The following VEPH1 variants were observed in gnomAD, a reference collection of about 807,000 sequenced individuals.
VEPH1 encodes the protein ventricular zone-expressed PH domain-containing protein homolog 1.
In VEPH1, 80 loss-of-function variants were observed where a neutral mutation model predicts 85.2. The ratio of observed to expected loss-of-function variants is 0.94; its 90% confidence interval spans 0.78 to 1.13. VEPH1 has a LOEUF of 1.13. Ranked by LOEUF, VEPH1 falls within the 50% of genes most tolerant of loss-of-function variation. VEPH1 has a pLI of 0.00. For synonymous variants in VEPH1, 297 were observed against 348.0 expected (o/e 0.85, Z 1.63); for missense variants, 955 against 980.5 (o/e 0.97, Z 0.35).
At chr3:157,281,540 C>CT (rs370462040) in intron 12 of VEPH1, among the ~76,000 whole-genome samples, 407 of 145,700 alleles carry the variant, frequency 2.8e-3, no homozygotes, top group African/African-American at 7.8e-3. Flanking sequence ...ATCGAGTTTT[C>CT]TTTTTTTTTT....
At chr3:157,294,127 C>A (rs933212780) in intron 11 of VEPH1, among the ~76,000 whole-genome samples, 3 of 152,138 alleles carry the variant, frequency 2.0e-5, no homozygotes, top group African/African-American at 7.2e-5. Flanking sequence ...TGTTAAAGAG[C>A]TAATTTGGAG....
intron 5 of VEPH1, among the ~76,000 whole-genome samples, chr3:157,424,303 G>A (rs552009375): frequency 1.7e-3 from 252 of 152,218 alleles, no homozygotes; most frequent in African/African-American, 5.6e-3. Flanking sequence ...ACTGTAAGTC[G>A]AATTAAACCT....
chr3:157,463,363 T>C (rs1439305124), intron 3 of VEPH1, among the ~76,000 whole-genome samples: 2 of 152,202 alleles, frequency 1.3e-5, no homozygotes, highest in Non-Finnish European at 2.9e-5. Context: ...TCTTTGGCGA[T>C]AAATCATGCG....
chr3:157,341,612 T>C (rs906666994), intron 9 of VEPH1, among the ~76,000 whole-genome samples: 3 of 152,112 alleles, frequency 2.0e-5, no homozygotes, highest in African/African-American at 4.8e-5. Context: ...CAGGATATTA[T>C]CCAGGAGAAC....
chr3:157,426,806 C>CTTT (rs532205431), intron 5 of VEPH1, among the ~76,000 whole-genome samples: 2 of 116,246 alleles, frequency 1.7e-5, no homozygotes, highest in African/African-American at 3.4e-5. Context: ...AAATCTGTTG[C>CTTT]TTTTTTTTTT....
intron 11 of VEPH1, among the ~76,000 whole-genome samples, chr3:157,295,990 T>C (rs1347191975): frequency 6.6e-6 from 1 of 152,066 alleles, no homozygotes; most frequent in Non-Finnish European, 1.5e-5. Context: ...TTATGGTCTA[T>C]TTACACAGTG....
chr3:157,448,118 G>A (rs1232615037), intron 4 of VEPH1, among the ~76,000 whole-genome samples: 2 of 151,642 alleles, frequency 1.3e-5, no homozygotes, highest in Non-Finnish European at 2.9e-5. Flanking sequence ...AATGGGGGGG[G>A]GACAATTTTC....
intron 2 of VEPH1, among the ~76,000 whole-genome samples, chr3:157,489,993 C>T (rs1037587983): frequency 6.6e-6 from 1 of 151,610 alleles, no homozygotes. Context: ...ATACATTTAA[C>T]AAAAGATGTA....
chr3:157,293,493 T>A (rs1163251250), intron 11 of VEPH1, among the ~76,000 whole-genome samples: 1 of 152,230 alleles, frequency 6.6e-6, no homozygotes, highest in Non-Finnish European at 1.5e-5. Flanking sequence ...TCTATGTGTC[T>A]GGCTCCAAGT....
At position 157,391,903 on chromosome 3, in the gene VEPH1, G is replaced by A. The variant is rs912644633; in HGVS notation, c.907-10527C>T. Among the ~76,000 whole-genome samples, 3 of 150,462 alleles carry A rather than the reference G, an allele frequency of 2.0e-5. No individual in the cohort carries two copies. In the Admixed American group the frequency reaches 2.0e-4, roughly 10 times the overall value. ...CTAACAGACTTCTTAACAGAAACAA[G>A]CAAGGAGAGATTGGGGGCCTATTTT... On this transcript the variant is annotated intron_variant, in intron 6 of 13. Coordinates refer to ENST00000362010, the MANE Select transcript of VEPH1 (RefSeq NM_001167912.2).
intron 5 of VEPH1, among the ~76,000 whole-genome samples, chr3:157,419,760 G>C (rs1015933985): frequency 1.3e-5 from 2 of 152,166 alleles, no homozygotes; most frequent in African/African-American, 4.8e-5. Context: ...GGAAGATAGT[G>C]TGGTGATTCT....
intron 6 of VEPH1, among the ~76,000 whole-genome samples, chr3:157,392,740 G>A (rs1678020500): frequency 6.6e-6 from 1 of 152,168 alleles, no homozygotes; most frequent in South Asian, 2.1e-4. Context: ...GACAAGCTTG[G>A]TCTAAATGGT....
intron 6 of VEPH1, among the ~76,000 whole-genome samples, chr3:157,406,741 G>A (rs528110689): frequency 4.9e-4 from 66 of 135,056 alleles, no homozygotes; most frequent in African/African-American, 1.9e-3. Flanking sequence ...ATCCTTCCAC[G>A]TGCTATGAGA....
intron 12 of VEPH1, among the ~76,000 whole-genome samples, chr3:157,267,155 G>A (rs1713801441): frequency 6.9e-6 from 1 of 144,618 alleles, no homozygotes; most frequent in Non-Finnish European, 1.5e-5. Context: ...GAGTGCAGTG[G>A]CACGATCTCA....
chr3:157,331,309 A>G (rs1262663465), intron 9 of VEPH1, among the ~76,000 whole-genome samples: 2 of 152,222 alleles, frequency 1.3e-5, no homozygotes, highest in Non-Finnish European at 2.9e-5. Context: ...CCACACTCCT[A>G]GGACAGTGTG....
intron 11 of VEPH1, among the ~76,000 whole-genome samples, chr3:157,294,040 A>C (rs1717833873): frequency 6.6e-6 from 1 of 152,198 alleles, no homozygotes; most frequent in East Asian, 1.9e-4. Context: ...CTAATTGATT[A>C]CTGCCACCTA....
At chr3:157,502,151 T>A (rs1740164688) in intron 1 of VEPH1, among the ~76,000 whole-genome samples, 1 of 152,220 alleles carries the variant, frequency 6.6e-6, no homozygotes, top group African/African-American at 2.4e-5. Context: ...GTCTGGCTTA[T>A]TCTAAGCAAT....
chr3:157,437,079 CTG>C (rs1350253796), intron 4 of VEPH1: 8 of 1,612,606 alleles, frequency 5.0e-6, no homozygotes, highest in Non-Finnish European at 6.8e-6. Context: ...TTCACTTTAA[CTG>C]TTTCTCTGCT....
At chr3:157,408,885 G>A (rs1731331915) in intron 6 of VEPH1, among the ~76,000 whole-genome samples, 1 of 152,120 alleles carries the variant, frequency 6.6e-6, no homozygotes, top group Non-Finnish European at 1.5e-5. Flanking sequence ...GACTGGACAG[G>A]TAAGAGGTGA....
Sources: gnomAD v4.1 joint callset for allele counts (sites outside exome capture counted in the v4.1 genomes callset) on GRCh38, gnomAD v4.1.1 for gene constraint, MANE v1.5 for transcripts, NCBI Gene and HGNC (gene_info 2026-07-23, HGNC 2026-07-21) for gene names.